Variants in APBA1 observed in about 807,000 individuals in gnomAD.
The protein encoded by APBA1 is amyloid beta precursor protein binding family A member 1, also known as amyloid-beta A4 precursor protein-binding family A member 1.
APBA1 carries 55 observed loss-of-function variants against 86.6 expected under a neutral mutation model. That is an observed-to-expected ratio of 0.64 (90% confidence interval 0.51 to 0.80). APBA1 has a LOEUF of 0.80. APBA1 is among the 30% of genes least tolerant of loss of function. The pLI is 0.00. For synonymous variants in APBA1, 511 were observed against 493.9 expected, an observed-to-expected ratio of 1.03 and a Z score of -0.46; for missense variants, 1,090 against 1,183.0, an observed-to-expected ratio of 0.92 and a Z score of 1.15.
At chr9:69,618,270 T>A (rs536105779) in intron 1 of APBA1, among the ~76,000 whole-genome samples, 1 of 152,120 alleles carries the variant, frequency 6.6e-6, no homozygotes, top group Non-Finnish European at 1.5e-5. Flanking sequence ...CTTCATTGGC[T>A]CCCTACAGAA....
At chr9:69,569,533 T>C (rs1404648133) in intron 1 of APBA1, among the ~76,000 whole-genome samples, 1 of 151,278 alleles carries the variant, frequency 6.6e-6, no homozygotes, top group Non-Finnish European at 1.5e-5. Context: ...CTACTAAACA[T>C]TCTACAATGT....
intron 11 of APBA1, among the ~76,000 whole-genome samples, chr9:69,436,582 T>TTTGC (rs1834726452): frequency 7.5e-6 from 1 of 133,594 alleles, no homozygotes. Context: ...TCTCTGTTTG[T>TTTGC]TGTTGGTGTA....
Position 69,485,587 on chromosome 9 carries a change from T to C in APBA1, c.1201-9444A>G, listed in dbSNP as rs536742488. Among the ~76,000 whole-genome samples the C allele has an allele frequency of 7.9e-5, 12 of 152,136 alleles. 1 individual carries two copies. Among genetic ancestry groups the C allele is most frequent in the Middle Eastern group, 3.4e-3 (1 of 292 alleles). ...TATCCAATTTTAAGCAAATGAGACA[T>C]GTGCTTGTGAGGGTAGGATGCAAAT... On this transcript the variant is annotated intron_variant, in intron 2 of 12. Transcript: ENST00000265381.
chr9:69,569,740 G>C (rs1186458197), intron 1 of APBA1, among the ~76,000 whole-genome samples: 1 of 152,126 alleles, frequency 6.6e-6, no homozygotes, highest in Non-Finnish European at 1.5e-5. Context: ...TCTGTTATAG[G>C]GGTGAATGCC....
rs574625988 is a variant in APBA1, at chr9:69,514,951, G to A, written c.1200+1060C>T. 2.3e-4 allele frequency among the ~76,000 whole-genome samples: 35 copies of A among 152,176 alleles called. No individual in the cohort carries two copies. The South Asian group carries it at 3.5e-3, about 15-fold the overall frequency. ...AAACAAAACTGCAGAAACCCCTGGC[G>A]GAAAAAGGCTTGGAAGGCTATCCTC... On this transcript the variant is annotated intron_variant, in intron 2 of 12. Transcript: ENST00000265381.
intron 10 of APBA1, among the ~76,000 whole-genome samples, chr9:69,444,043 T>C (rs897891229): frequency 3.3e-5 from 5 of 152,190 alleles, no homozygotes; most frequent in African/African-American, 1.2e-4. Flanking sequence ...GCTCCTAATG[T>C]GTGAATTTTG....
Position 69,452,156 on chromosome 9 carries a change from A to C in APBA1, c.1934T>G (p.Leu645Arg). The C allele has an allele frequency of 6.2e-7, 1 of 1,614,196 alleles. No homozygotes were observed. ...LNTQDMYNDD[L>R]IHFSKSENCK... ...GTTTTCCGACTTGGAGAAGTGGATCAGGTCATCGTTGTACATGTCCTGGGT... is the reference window on the plus strand; with the variant it reads ...GTTTTCCGACTTGGAGAAGTGGATCCGGTCATCGTTGTACATGTCCTGGGT... The change falls in exon 9 of 13, where the codon CTG (leucine) becomes CGG (arginine). Residue 645 changes from leucine (L) to arginine (R), a missense_variant. Leu to Arg is a moderately radical substitution (Grantham distance 102). Around this residue, in one of 6 missense-constraint regions of APBA1, gnomAD observed 97 missense variants for 166.8 expected, o/e 0.58. Coordinates refer to ENST00000265381, the MANE Select transcript of APBA1 (RefSeq NM_001163.4).
chr9:69,441,150 C>T, intron 10 of APBA1, 35 bp from the exon 11 acceptor site: 1 of 1,595,088 alleles, frequency 6.3e-7, no homozygotes, highest in Non-Finnish European at 8.5e-7. Flanking sequence ...GGTATGGTGA[C>T]CACTGAGGCA....
At chr9:69,467,752 G>C (rs1018190652) in intron 5 of APBA1, 71 bp downstream of exon 5, 2 of 1,567,152 alleles carry the variant, frequency 1.3e-6, no homozygotes, top group African/African-American at 1.4e-5. Context: ...TGGAGTTGTG[G>C]CCAGTGTTGT....
rs1379736930 is a variant in APBA1, at chr9:69,428,222, G to C, written c.*3105C>G. The stretch of plus-strand genomic sequence containing the variant: ...TGCCCACAGGGTGAGGGGGGCAGAG[G>C]AGCGATGGGGGAGGTAGTAGGTTAC... On this transcript the variant is annotated 3_prime_UTR_variant, in exon 13 of 13. Transcript: ENST00000265381. The C allele has an allele frequency of 6.6e-6, 1 of 152,422 alleles. No homozygotes were observed. The highest frequency in any genetic ancestry group is 6.5e-5 in the Admixed American group (1 of 15,276). 9.4% of individuals were successfully genotyped at this position (152,422 alleles called of 1,614,324 possible).
At chr9:69,658,242 TTC>T (rs1416396587) in intron 1 of APBA1, among the ~76,000 whole-genome samples, 1 of 19,652 alleles carries the variant, frequency 5.1e-5, no homozygotes. Flanking sequence ...CTTTCTTTCT[TTC>T]TTTCTTTCTT....
intron 2 of APBA1, among the ~76,000 whole-genome samples, chr9:69,491,850 C>T (rs983865836): frequency 2.6e-5 from 4 of 151,302 alleles, no homozygotes; most frequent in Non-Finnish European, 4.4e-5. Context: ...CTGCAACCTC[C>T]GCCTCCCAGG....
intron 1 of APBA1, among the ~76,000 whole-genome samples, chr9:69,666,772 T>C (rs893066032): frequency 2.6e-5 from 4 of 152,210 alleles, no homozygotes; most frequent in African/African-American, 9.7e-5. Flanking sequence ...AGCTTCAATG[T>C]ATATATCAGG....
chr9:69,571,540 A>C (rs1365191807), intron 1 of APBA1, among the ~76,000 whole-genome samples: 1 of 152,216 alleles, frequency 6.6e-6, no homozygotes, highest in Non-Finnish European at 1.5e-5. Context: ...ATACACATAG[A>C]TGGAAAGATA....
intron 1 of APBA1, among the ~76,000 whole-genome samples, chr9:69,568,233 A>G (rs1366669664): frequency 6.6e-6 from 1 of 152,148 alleles, no homozygotes; most frequent in Non-Finnish European, 1.5e-5. Flanking sequence ...GCTCCTAACC[A>G]GAGTTGGCCT....
chr9:69,665,871 G>A (rs939953068), intron 1 of APBA1, among the ~76,000 whole-genome samples: 2 of 152,130 alleles, frequency 1.3e-5, no homozygotes, highest in African/African-American at 4.8e-5. Flanking sequence ...AAATAGCTGG[G>A]ACTACAAGCA....
chr9:69,608,377 T>C (rs1024840432), intron 1 of APBA1, among the ~76,000 whole-genome samples: 1 of 152,074 alleles, frequency 6.6e-6, no homozygotes, highest in East Asian at 1.9e-4. Flanking sequence ...AATTTTTGAG[T>C]CTATACCATC....
chr9:69,632,921 A>C (rs1823077603), intron 1 of APBA1, among the ~76,000 whole-genome samples: 2 of 152,112 alleles, frequency 1.3e-5, no homozygotes, highest in African/African-American at 4.8e-5. Flanking sequence ...CATTGGCAGG[A>C]GATAGGAGAG....
chr9:69,432,400 T>G, intron 12 of APBA1, 136 bp downstream of exon 12: 1 of 828,146 alleles, frequency 1.2e-6, no homozygotes, highest in South Asian at 4.0e-5. Flanking sequence ...GAGACAGGTC[T>G]GCTTGTTGGG....
Sources: gnomAD v4.1 joint callset for allele counts (sites outside exome capture counted in the v4.1 genomes callset) on GRCh38, gnomAD v4.1.1 for gene constraint, gnomAD v4.1.1 regional missense constraint, MANE v1.5 for transcripts, NCBI Gene and HGNC (gene_info 2026-07-23, HGNC 2026-07-21) for gene names.